The following ALDH2 variants were observed in gnomAD, a reference collection of about 807,000 sequenced individuals.
ALDH2 encodes aldehyde dehydrogenase 2 family member, also known as aldehyde dehydrogenase, mitochondrial.
In ALDH2, 44 loss-of-function variants were observed where a neutral mutation model predicts 59.6. The ratio of observed to expected loss-of-function variants is 0.74; its 90% CI spans 0.58 to 0.95. ALDH2 has a LOEUF of 0.95. Ranked by LOEUF, ALDH2 falls within the 40% of genes least tolerant of loss-of-function variation. The pLI is 0.00. For synonymous variants in ALDH2, 291 were observed against 284.0 expected (o/e 1.02, Z -0.25); for missense variants, 570 against 696.3 (o/e 0.82, Z 2.04).
chr12:111,798,091 A>G lies in ALDH2; in HGVS notation c.1097A>G (p.Gln366Arg), dbSNP rs1566192467. The change falls in exon 10 of 13, where the codon CAG becomes CGG. Residue 366 changes from glutamine to arginine, a missense_variant. Coordinates refer to ENST00000261733, the MANE Select transcript of ALDH2 (RefSeq NM_000690.4). ...TEQGPQVDET[Q>R]FKKILGYINT... Reference sequence around the variant, plus strand: ...CTTCTCCCACAGGTGGATGAAACTCAGTTTAAGAAGATCCTCGGCTACATC... The same window carrying G: ...CTTCTCCCACAGGTGGATGAAACTCGGTTTAAGAAGATCCTCGGCTACATC... The G allele has an allele frequency of 6.2e-7, 1 of 1,614,160 alleles. No individual in the cohort carries two copies. Among genetic ancestry groups the G allele is most frequent in the East Asian group, 2.2e-5 (1 of 44,878 alleles).
rs2068473024 is a variant in ALDH2 at position 111,803,903 on chromosome 12, G to A, written c.1451G>A (p.Gly484Asp). Residue 484 changes from glycine (G) to aspartate (D), a missense_variant, in exon 12 of 13, where the codon GGC becomes GAC. Coordinates refer to ENST00000261733, the MANE Select transcript of ALDH2 (RefSeq NM_000690.4). ...TTTGGAGCCCAGTCACCCTTTGGTGGCTACAAGATGTCGGGGAGTGGCCGG... is the reference window on the plus strand; with the variant it reads ...TTTGGAGCCCAGTCACCCTTTGGTGACTACAAGATGTCGGGGAGTGGCCGG... Reference protein sequence around the residue: ...DVFGAQSPFGGYKMSGSGREL... With the variant: ...DVFGAQSPFGDYKMSGSGREL... 6.2e-7 allele frequency: 1 copy of A among 1,613,344 alleles called. No homozygotes were observed. Among genetic ancestry groups the A allele is most frequent in the South Asian group, 1.1e-5 (1 of 90,954 alleles).
intron 1 of ALDH2, among the ~76,000 whole-genome samples, chr12:111,777,974 A>G (rs75076596): frequency 0.016 from 2,371 of 152,290 alleles, 71 homozygotes; most frequent in African/African-American, 0.054. Flanking sequence ...TGGGTGCACA[A>G]CTGCGGGTTC....
chr12:111,792,241 G>GC (rs879784974), intron 8 of ALDH2, 78 bp downstream of exon 8: 177 of 1,141,306 alleles, frequency 1.6e-4, no homozygotes, highest in East Asian at 3.3e-4. Context: ...CGATCCTGTC[G>GC]CCCCCCCAGT....
intron 1 of ALDH2, among the ~76,000 whole-genome samples, chr12:111,773,667 A>T (rs1205605812): frequency 6.6e-6 from 1 of 152,216 alleles, no homozygotes; most frequent in Admixed American, 6.5e-5. Flanking sequence ...TTTCAAACTT[A>T]TAACTTAATG....
Position 111,799,886 on chromosome 12 carries a change from A to G in ALDH2, c.1249-20A>G, listed in dbSNP as rs1184412883. 3.1e-6 allele frequency: 5 copies of G among 1,610,196 alleles called. No individual in the cohort carries two copies. The highest frequency in any genetic ancestry group is 4.2e-6 in the Non-Finnish European group (5 of 1,177,924). On this transcript the variant is annotated intron_variant, in intron 10 of 12. Coordinates refer to ENST00000261733, the MANE Select transcript of ALDH2 (RefSeq NM_000690.4). ...TGCCTCCGTGTTGCCGAACCCTCCT[A>G]CGCTGCTCTCTCACTCCAGATCTTC... is the stretch of plus-strand genomic sequence containing the variant.
At chr12:111,793,615 A>T (rs1471281477) in intron 9 of ALDH2, among the ~76,000 whole-genome samples, 4 of 150,188 alleles carry the variant, frequency 2.7e-5, no homozygotes, top group Non-Finnish European at 5.9e-5. Flanking sequence ...TTTTTTTTGG[A>T]GACAGAGTTT....
At chr12:111,805,311 A>G (rs2068485574) in intron 12 of ALDH2, among the ~76,000 whole-genome samples, 1 of 151,942 alleles carries the variant, frequency 6.6e-6, no homozygotes, top group Non-Finnish European at 1.5e-5. Flanking sequence ...TTGAGCCACA[A>G]GTTTGAAGCT....
At chr12:111,802,662 C>CCT (rs2068462311) in intron 11 of ALDH2, among the ~76,000 whole-genome samples, 1 of 151,292 alleles carries the variant, frequency 6.6e-6, no homozygotes, top group Non-Finnish European at 1.5e-5. Context: ...GGGCGGATCA[C>CCT]GAGGTCAGAA....
intron 1 of ALDH2, among the ~76,000 whole-genome samples, chr12:111,772,672 T>TG (rs1303007398): frequency 2.2e-5 from 3 of 138,484 alleles, no homozygotes; most frequent in Non-Finnish European, 3.1e-5. Flanking sequence ...CTTTTTTTTT[T>TG]GGTTTTTTTT....
Position 111,811,173 on chromosome 12 carries a change from C to T in ALDH2, c.*1598C>T, listed in dbSNP as rs1253336669. ...CCAACAGGGAGAAACCCCATCTCTA[C>T]TGAAAATACAAAAAAAAAAAAAAAA... is the stretch of plus-strand genomic sequence containing the variant. On this transcript the variant is annotated 3_prime_UTR_variant, in exon 13 of 13. Transcript: ENST00000261733. 7.0e-6 allele frequency: 1 copy of T among 142,924 alleles called. No individual in the cohort carries two copies. The highest frequency in any genetic ancestry group is 2.2e-4 in the South Asian group (1 of 4,446). 8.9% of individuals were successfully genotyped at this position (142,924 alleles called of 1,614,324 possible).
At chr12:111,773,036 A>G (rs953946037) in intron 1 of ALDH2, among the ~76,000 whole-genome samples, 2 of 146,812 alleles carry the variant, frequency 1.4e-5, no homozygotes, top group Non-Finnish European at 3.0e-5. Flanking sequence ...AGGCAGGCGG[A>G]TCACCTCAGG....
chr12:111,785,662 C>T (rs2136015141), intron 4 of ALDH2, among the ~76,000 whole-genome samples: 1 of 152,022 alleles, frequency 6.6e-6, no homozygotes, highest in East Asian at 1.9e-4. Flanking sequence ...AAGTGGAGGT[C>T]ACAGTGAGCC....
intron 1 of ALDH2, among the ~76,000 whole-genome samples, chr12:111,774,478 C>T (rs1189026823): frequency 6.6e-6 from 1 of 152,174 alleles, no homozygotes; most frequent in Non-Finnish European, 1.5e-5. Context: ...CATTAGCTTG[C>T]TCACTCTTTG....
At chr12:111,770,571 C>T (rs1275817298) in intron 1 of ALDH2, among the ~76,000 whole-genome samples, 1 of 151,916 alleles carries the variant, frequency 6.6e-6, no homozygotes, top group Non-Finnish European at 1.5e-5. Context: ...ACAAGTTATC[C>T]TCCTACTTCA....
At position 111,766,968 on chromosome 12, in the gene ALDH2, C is replaced by T. The variant is rs930146558; in HGVS notation, c.-15C>T. 5 of 1,519,702 alleles carry T rather than the reference C, an allele frequency of 3.3e-6. No individual in the cohort carries two copies. The highest frequency in any genetic ancestry group is 2.2e-4 in the Middle Eastern group (1 of 4,478). The allele number at this position is 1,519,702 out of a possible 1,614,324, so 94.1% of individuals were successfully genotyped here. ...CTCTGCTCTCGGTCCGCTCGCTGTC[C>T]GCTAGCCCGCTGCGATGTTGCGCGC... On this transcript the variant is annotated 5_prime_UTR_variant, in exon 1 of 13. Transcript: ENST00000261733.
At chr12:111,767,310 C>G (rs1364706031) in intron 1 of ALDH2, among the ~76,000 whole-genome samples, 1 of 152,170 alleles carries the variant, frequency 6.6e-6, no homozygotes, top group Non-Finnish European at 1.5e-5. Flanking sequence ...TTCCCCGTGA[C>G]TTGGGCCCCC....
intron 1 of ALDH2, among the ~76,000 whole-genome samples, chr12:111,779,498 G>T (rs1042370495): frequency 6.6e-6 from 1 of 152,188 alleles, no homozygotes; most frequent in African/African-American, 2.4e-5. Flanking sequence ...CCAAATGTCT[G>T]CTTTTGACCA....
At position 111,816,531 on chromosome 12, in the gene ALDH2, G is replaced by A. The variant is rs2068571267; in HGVS notation, c.*6956G>A. On this transcript the variant is annotated 3_prime_UTR_variant, in exon 13 of 13. Coordinates refer to ENST00000261733, the MANE Select transcript of ALDH2 (RefSeq NM_000690.4). The stretch of plus-strand genomic sequence containing the variant: ...CTGCATTTATGATAAACAGTTTGCT[G>A]TTTGATCATATAGCCTCAGTGGAAT... The A allele has an allele frequency of 6.6e-6, 1 of 152,314 alleles. No individual in the cohort carries two copies. Among genetic ancestry groups the A allele is most frequent in the Non-Finnish European group, 1.5e-5 (1 of 68,034 alleles). The allele number at this position is 152,314 out of a possible 1,614,324, so 9.4% of individuals were successfully genotyped here.
At position 111,792,610 on chromosome 12, in the gene ALDH2, TG is replaced by T; in HGVS notation, c.913del (p.Glu305AsnfsTer106). On this transcript the variant is annotated frameshift_variant, in exon 9 of 13. Transcript: ENST00000261733. LOFTEE classifies it high-confidence loss of function. ...CCACTTCCCGCAGTGGATTGGGCCG[TG>T]GAACAGGCCCACTTCGCCCTGTTCT... The part of the protein sequence containing the change: ...IMSDADMDWA[V>X]EQAHFALFFN... 1.2e-6 allele frequency: 2 copies of T among 1,612,376 alleles called. No individual in the cohort carries two copies. The highest frequency in any genetic ancestry group is 2.2e-5 in the South Asian group (2 of 90,950).
Sources: gnomAD v4.1 joint callset for allele counts (sites outside exome capture counted in the v4.1 genomes callset) on GRCh38, gnomAD v4.1.1 for gene constraint, MANE v1.5 for transcripts, NCBI Gene and HGNC (gene_info 2026-07-23, HGNC 2026-07-21) for gene names.